SRPX: variants seen among roughly 807,000 people sequenced by gnomAD.
The protein encoded by SRPX is sushi repeat-containing protein SRPX.
SRPX carries 24 observed loss-of-function variants against 38.1 expected under a neutral mutation model. The observed-to-expected ratio is 0.63, with a 90% CI of 0.46 to 0.89. The LOEUF (loss-of-function observed/expected upper bound fraction) is 0.89. Among genes scored for constraint, SRPX ranks in the 40% least tolerant of loss-of-function variants. SRPX has a pLI of 0.00. For synonymous variants in SRPX, 184 were observed against 153.8 expected (o/e 1.20, Z -1.45); for missense variants, 416 against 377.8 (o/e 1.10, Z -0.84).
chrX:38,210,987 T>G (rs1939309981), intron 1 of SRPX, among the ~76,000 whole-genome samples: 1 of 111,864 alleles, frequency 8.9e-6, no homozygotes, highest in Non-Finnish European at 1.9e-5. Flanking sequence ...GATTAGGGGT[T>G]CGGCAAACAT....
intron 1 of SRPX, among the ~76,000 whole-genome samples, chrX:38,189,073 C>T (rs765064041): frequency 3.6e-5 from 4 of 111,412 alleles, no homozygotes; most frequent in African/African-American, 1.3e-4. Context: ...GTTTCCTCAA[C>T]TGCTCATGGC....
rs755613051 is a variant in SRPX at position 38,154,455 on chromosome X, C to T, written c.1211+7G>A. ...GGATAAGATTTAAGAACAGAACTTC[C>T]CCCTACCTGAGCTGCAGCGCTAGGG... is the stretch of plus-strand genomic sequence containing the variant. On this transcript the variant is annotated splice_region_variant and intron_variant, in intron 9 of 9. Transcript: ENST00000378533. 10 of 1,200,051 alleles carry T rather than the reference C, an allele frequency of 8.3e-6. No individual in the cohort carries two copies. In the South Asian group the frequency reaches 1.6e-4, roughly 20 times the overall value.
At position 38,220,797 on chromosome X, in the gene SRPX, A is replaced by T. The variant is rs1264696549; in HGVS notation, c.-5T>A. The T allele has an allele frequency of 1.8e-6, 2 of 1,094,162 alleles. No homozygotes were observed. Among genetic ancestry groups the T allele is most frequent in the Non-Finnish European group, 2.4e-6 (2 of 846,362 alleles). The allele number at this position is 1,094,162 out of a possible 1,213,427, so 90.2% of individuals were successfully genotyped here. A position where few individuals can be genotyped will look rare whatever the true frequency, so the allele number is the denominator to read the frequency against. ...CCGATGTGCGGGGCTCCCCATGGCG[A>T]GCGGGCGCTTAGCTCGCCTCGGCAG... On this transcript the variant is annotated 5_prime_UTR_variant, in exon 1 of 10. Coordinates refer to ENST00000378533, the MANE Select transcript of SRPX (RefSeq NM_006307.5).
At chrX:38,190,394 C>T (rs765011130) in intron 1 of SRPX, among the ~76,000 whole-genome samples, 8 of 111,959 alleles carry the variant, frequency 7.1e-5, no homozygotes, top group African/African-American at 2.6e-4. Context: ...ATAAAACATT[C>T]TCCGGTTCCC....
chrX:38,149,558 A>C lies in SRPX; in HGVS notation c.*153T>G. 1.9e-6 allele frequency: 1 copy of C among 529,466 alleles called. No homozygotes were observed. Among genetic ancestry groups the C allele is most frequent in the South Asian group, 5.3e-5 (1 of 18,943 alleles). The allele number at this position is 529,466 out of a possible 1,213,427, so 43.6% of individuals were successfully genotyped here. A position where few individuals can be genotyped will look rare whatever the true frequency, so the allele number is the denominator to read the frequency against. ...AACACTTCCAAGTACAAAAAGCAGC[A>C]TGCTAATTTTTAAGTGCAAAGAAAG... On this transcript the variant is annotated 3_prime_UTR_variant, in exon 10 of 10. Transcript: ENST00000378533.
intron 1 of SRPX, among the ~76,000 whole-genome samples, chrX:38,190,682 A>G (rs931479879): frequency 8.9e-6 from 1 of 111,843 alleles, no homozygotes; most frequent in Non-Finnish European, 1.9e-5. Flanking sequence ...TCTAGTTTTC[A>G]AAATGATCAT....
chrX:38,153,166 A>G (rs1225435404), intron 9 of SRPX, among the ~76,000 whole-genome samples: 1 of 111,305 alleles, frequency 9.0e-6, no homozygotes, highest in Non-Finnish European at 1.9e-5. Context: ...ATGCAAATGC[A>G]GTAAAATATA....
At chrX:38,175,763 G>T (rs1326712722) in intron 2 of SRPX, among the ~76,000 whole-genome samples, 1 of 111,693 alleles carries the variant, frequency 9.0e-6, no homozygotes, top group African/African-American at 3.3e-5. Flanking sequence ...ATCTTCCCTG[G>T]ACTTTCTAGG....
At position 38,160,947 on chromosome X, in the gene SRPX, C is replaced by G. The variant is rs766812159; in HGVS notation, c.761G>C (p.Arg254Pro). ...RAENKGTCKFRVKVRVKRCGK... is the reference protein window; with the variant it reads ...RAENKGTCKFPVKVRVKRCGK... ...AGTACTCTTACCTCTTACTTTAACT[C>G]GAAATTTGCAAGTGCCCTTATTCTC... The change falls in exon 6 of 10, where the codon CGA becomes CCA. Residue 254 changes from arginine to proline, a missense_variant. Arg to Pro is a moderately radical substitution (Grantham distance 103). Transcript: ENST00000378533. 32 of 1,207,160 alleles carry G rather than the reference C, an allele frequency of 2.7e-5. No homozygotes were observed. Among genetic ancestry groups the G allele is most frequent in the Non-Finnish European group, 3.1e-5 (28 of 893,869 alleles).
chrX:38,199,098 T>C (rs1394014945), intron 1 of SRPX, among the ~76,000 whole-genome samples: 1 of 111,817 alleles, frequency 8.9e-6, no homozygotes, highest in Admixed American at 9.4e-5. Context: ...GAAAAACATT[T>C]GTGACTGAAT....
intron 5 of SRPX, among the ~76,000 whole-genome samples, chrX:38,162,028 G>GA (rs1245318370): frequency 1.8e-5 from 2 of 112,068 alleles, no homozygotes; most frequent in Non-Finnish European, 3.8e-5. Flanking sequence ...GGGGTCTTGG[G>GA]AAAATGTCAG....
Position 38,161,054 on chromosome X carries a change from A to G in SRPX, c.654T>C (p.Asp218=), listed in dbSNP as rs759510149. The G allele has an allele frequency of 1.7e-6, 2 of 1,205,210 alleles. No homozygotes were observed. The highest frequency in any genetic ancestry group is 4.4e-5 in the Admixed American group (2 of 45,114). Residue 218 remains aspartate, a splice_region_variant and synonymous_variant, in exon 6 of 10, where the codon GAT becomes GAC. Transcript: ENST00000378533. ...GRDTADGILT[D]VILKGLPPGS... ...CTGGGGGGAGGCCTTTTAGAATGACACTTAGAGAAAAAAAATCAGAAACAG... is the reference window on the plus strand; with the variant it reads ...CTGGGGGGAGGCCTTTTAGAATGACGCTTAGAGAAAAAAAATCAGAAACAG...
chrX:38,151,888 G>A (rs1050760578), intron 9 of SRPX, among the ~76,000 whole-genome samples: 1 of 110,777 alleles, frequency 9.0e-6, no homozygotes, highest in Non-Finnish European at 1.9e-5. Flanking sequence ...TGTCTTCCTT[G>A]AGATTGCTGG....
At chrX:38,163,248 T>C (rs977297709) in intron 5 of SRPX, among the ~76,000 whole-genome samples, 1 of 112,142 alleles carries the variant, frequency 8.9e-6, no homozygotes, top group Non-Finnish European at 1.9e-5. Context: ...GGGGGAAGAT[T>C]ATTGGAATGT....
intron 4 of SRPX, among the ~76,000 whole-genome samples, chrX:38,168,916 G>A (rs1938413887): frequency 8.9e-6 from 1 of 112,332 alleles, no homozygotes; most frequent in Non-Finnish European, 1.9e-5. Flanking sequence ...TACTCAGGAG[G>A]CTGATGTGGG....
At chrX:38,205,990 C>T (rs1183659622) in intron 1 of SRPX, among the ~76,000 whole-genome samples, 1 of 112,749 alleles carries the variant, frequency 8.9e-6, no homozygotes, top group Non-Finnish European at 1.9e-5. Context: ...ACTACCACCA[C>T]CATCCCAAAT....
chrX:38,167,343 G>T (rs1196210168), intron 4 of SRPX, among the ~76,000 whole-genome samples: 1 of 111,162 alleles, frequency 9.0e-6, no homozygotes, highest in Non-Finnish European at 1.9e-5. Context: ...GTCTGTCATA[G>T]CTTCCCCATG....
Position 38,168,675 on chromosome X carries a change from C to G in SRPX, c.526+3206G>C, listed in dbSNP as rs1173133422. Among the ~76,000 whole-genome samples, 4 of 112,108 alleles carry G rather than the reference C, an allele frequency of 3.6e-5. No homozygotes were observed. In the East Asian group the frequency reaches 1.1e-3, roughly 31 times the overall value. On this transcript the variant is annotated intron_variant, in intron 4 of 9. Transcript: ENST00000378533. The stretch of plus-strand genomic sequence containing the variant: ...GGGGGCATAGGAAGTGAGTGACTGC[C>G]AAATGCAGAACAAACCTGGCCATTG...
chrX:38,157,764 TTATCAAGCAAG>T (rs1938160543), intron 7 of SRPX, among the ~76,000 whole-genome samples: 1 of 112,044 alleles, frequency 8.9e-6, no homozygotes, highest in African/African-American at 3.2e-5. Context: ...TACCAATTGG[TTATCAAGCAAG>T]TTTTTGCTGT....
Sources: allele counts gnomAD v4.1 joint callset (sites outside exome capture counted in the v4.1 genomes callset), GRCh38; gene constraint gnomAD v4.1.1; transcripts MANE v1.5; gene names NCBI Gene and HGNC (gene_info 2026-07-23, HGNC 2026-07-21).